The following MCEE variants were observed in gnomAD, a reference collection of about 807,000 sequenced individuals.
The protein encoded by MCEE is methylmalonyl-CoA epimerase, also known as methylmalonyl-CoA epimerase, mitochondrial.
MCEE carries 6 observed loss-of-function variants against 12.9 expected under a neutral mutation model. The observed-to-expected ratio is 0.47, with a 90% CI of 0.26 to 0.92. MCEE has a LOEUF of 0.92. Among genes scored for constraint, MCEE ranks in the 40% least tolerant of loss-of-function variants. MCEE has a pLI of 0.16. For synonymous variants in MCEE, 78 were observed against 77.9 expected (o/e 1.00, Z -0.01); for missense variants, 214 against 212.1 (o/e 1.01, Z -0.05).
intron 1 of MCEE, among the ~76,000 whole-genome samples, chr2:71,125,402 T>G (rs935107070): frequency 6.6e-6 from 1 of 151,474 alleles, no homozygotes; most frequent in Non-Finnish European, 1.5e-5. Flanking sequence ...AGATGGGGTT[T>G]CGCCTCATTG....
At chr2:71,130,006 G>T in intron 1 of MCEE, 174 bp downstream of exon 1, 1 of 700,950 alleles carries the variant, frequency 1.4e-6, no homozygotes. Flanking sequence ...CTACTAAGCG[G>T]TGGCGCTTCT....
Position 71,110,039 on chromosome 2 carries a change from A to G in MCEE, c.462T>C (p.His154=), listed in dbSNP as rs1672855203. 3 of 1,613,694 alleles carry G rather than the reference A, an allele frequency of 1.9e-6. No homozygotes were observed. Among genetic ancestry groups the G allele is most frequent in the African/African-American group, 2.7e-5 (2 of 74,918 alleles). The stretch of plus-strand genomic sequence containing the variant: ...GATGGAGAAAAATCACTGGTTTTCC[A>G]TGTGCTCCTATTTTGACCTCTTCAC... ...SLSEEVKIGA[H]GKPVIFLHPK... The change falls in exon 3 of 3, where the codon CAT becomes CAC. Residue 154 remains histidine, a synonymous_variant. Transcript: ENST00000244217.
chr2:71,125,211 A>ATATATATATATATATATATATATTTTTT, intron 1 of MCEE, among the ~76,000 whole-genome samples: 1 of 48,606 alleles, frequency 2.1e-5, no homozygotes, highest in Non-Finnish European at 4.4e-5. Flanking sequence ...ATATATATAT[A>ATATATATATATATATATATATATTTTTT]TTTTTTTTTT....
At chr2:71,121,458 G>A (rs1020634055) in intron 2 of MCEE, among the ~76,000 whole-genome samples, 2 of 152,174 alleles carry the variant, frequency 1.3e-5, no homozygotes, top group Admixed American at 1.3e-4. Context: ...GGCAGAGAAT[G>A]ATGATGGGGG....
At chr2:71,117,147 G>A (rs2103624333) in intron 2 of MCEE, among the ~76,000 whole-genome samples, 1 of 150,698 alleles carries the variant, frequency 6.6e-6, no homozygotes, top group East Asian at 1.9e-4. Flanking sequence ...AAAGTGAAAA[G>A]TCTGGATTAA....
Sources: allele counts gnomAD v4.1 joint callset (sites outside exome capture counted in the v4.1 genomes callset), GRCh38; gene constraint gnomAD v4.1.1; transcripts MANE v1.5; gene names NCBI Gene and HGNC (gene_info 2026-07-23, HGNC 2026-07-21).